CCDC85C: variants seen among roughly 807,000 people sequenced by gnomAD.
CCDC85C encodes the protein coiled-coil domain-containing protein 85C.
A neutral mutation model predicts 38.3 loss-of-function variants in CCDC85C; 18 were observed. The ratio of observed to expected loss-of-function variants is 0.47; its 90% CI spans 0.33 to 0.70. CCDC85C has a LOEUF of 0.70. Ranked by LOEUF, CCDC85C falls within the 30% of genes least tolerant of loss-of-function variation. The pLI is 0.03. For synonymous variants in CCDC85C, 264 were observed against 293.8 expected, an observed-to-expected ratio of 0.90 and a Z score of 1.04; for missense variants, 566 against 621.2, an observed-to-expected ratio of 0.91 and a Z score of 0.94.
chr14:99,503,249 C>A lies in CCDC85C; in HGVS notation c.*11997G>T. The A allele has an allele frequency of 1.5e-6, 1 of 646,066 alleles. No individual in the cohort carries two copies. Among genetic ancestry groups the A allele is most frequent in the Non-Finnish European group, 2.8e-6 (1 of 357,676 alleles). The allele number at this position is 646,066 out of a possible 1,614,324, so 40.0% of individuals were successfully genotyped here. On this transcript the variant is annotated 3_prime_UTR_variant, in exon 6 of 6. Transcript: ENST00000380243. ...TCCCTGCCAGGGTTCTGAAGCCTGT[C>A]GGTGTCGTTGCCGTGTCCTAGCAGT...
At chr14:99,580,358 G>T (rs1198340564) in intron 1 of CCDC85C, among the ~76,000 whole-genome samples, 2 of 150,952 alleles carry the variant, frequency 1.3e-5, no homozygotes, top group African/African-American at 4.9e-5. Flanking sequence ...GAGTCACCGT[G>T]AGTGCAGTGG....
At chr14:99,574,742 C>T (rs778322261) in intron 1 of CCDC85C, among the ~76,000 whole-genome samples, 3 of 152,212 alleles carry the variant, frequency 2.0e-5, no homozygotes, top group Non-Finnish European at 2.9e-5. Flanking sequence ...GGGCACCAGC[C>T]GGGTCAGGTG....
In CCDC85C at chr14:99,536,071, T is replaced by C. The variant is rs780450476; in HGVS notation, c.811A>G (p.Ile271Val). 1.9e-6 allele frequency: 3 copies of C among 1,551,006 alleles called. No homozygotes were observed. The South Asian group carries it at 3.6e-5, about 18-fold the overall frequency. Residue 271 changes from isoleucine to valine, a missense_variant, in exon 2 of 6, where the codon ATC becomes GTC. This residue lies in a region of CCDC85C where 286 missense variants were observed against 276.4 expected (regional missense o/e 1.03). Transcript: ENST00000380243. ...NGLHDPSSTY[I>V]RQLESKVRLL... ...CTCACTTTGCTCTCCAGTTGCCTGATGTAGGTGGATGAGGGATCTGGAAGG... is the reference window on the plus strand; with the variant it reads ...CTCACTTTGCTCTCCAGTTGCCTGACGTAGGTGGATGAGGGATCTGGAAGG...
In CCDC85C at chr14:99,603,226, C is replaced by T. The variant is rs2055225251; in HGVS notation, c.734G>A (p.Arg245Gln). 1 of 1,419,426 alleles carries T rather than the reference C, an allele frequency of 7.0e-7. No homozygotes were observed. Among genetic ancestry groups the T allele is most frequent in the Admixed American group, 2.8e-5 (1 of 35,158 alleles). 87.9% of individuals were successfully genotyped at this position (1,419,426 alleles called of 1,614,324 possible). A position where few individuals can be genotyped will look rare whatever the true frequency, so the allele number is the denominator to read the frequency against. ...CGGCGCCGACAAGTCGTCCAGGGACCGACGTGTGGCTCCTGCCTTGCCGTC... is the reference window on the plus strand; with the variant it reads ...CGGCGCCGACAAGTCGTCCAGGGACTGACGTGTGGCTCCTGCCTTGCCGTC... ...APDGKAGATRRSLDDLSAPPH... is the reference protein window; with the variant it reads ...APDGKAGATRQSLDDLSAPPH... Residue 245 changes from arginine (R) to glutamine (Q), a missense_variant, in exon 1 of 6, where the codon CGG (arginine) becomes CAG (glutamine). This residue lies in a region of CCDC85C where 286 missense variants were observed against 276.4 expected (regional missense o/e 1.03). Coordinates refer to ENST00000380243, the MANE Select transcript of CCDC85C (RefSeq NM_001144995.2). The surrounding 1 kb of genome is among the most constrained non-coding windows in gnomAD (Gnocchi z 7.5).
chr14:99,573,416 T>C (rs1342035290), intron 1 of CCDC85C, among the ~76,000 whole-genome samples: 3 of 152,190 alleles, frequency 2.0e-5, no homozygotes, highest in African/African-American at 7.2e-5. Flanking sequence ...TCATTTAGTC[T>C]TAAATGGAAG....
chr14:99,572,159 C>G lies in CCDC85C; in HGVS notation c.793+31008G>C, dbSNP rs747757456. Among the ~76,000 whole-genome samples the G allele has an allele frequency of 6.6e-6, 1 of 152,198 alleles. No homozygotes were observed. Among genetic ancestry groups the G allele is most frequent in the Non-Finnish European group, 1.5e-5 (1 of 68,024 alleles). ...CCTCCCAAGCCTGAGGGCTCAAATTCACAGGGTGGTGGTCCCTAGAAAGAC... is the reference window on the plus strand; with the variant it reads ...CCTCCCAAGCCTGAGGGCTCAAATTGACAGGGTGGTGGTCCCTAGAAAGAC... On this transcript the variant is annotated intron_variant, in intron 1 of 5. Transcript: ENST00000380243. The surrounding 1 kb of genome is among the most constrained non-coding windows in gnomAD (Gnocchi z 4.4).
intron 1 of CCDC85C, among the ~76,000 whole-genome samples, chr14:99,601,699 T>G (rs2055200301): frequency 6.6e-6 from 1 of 152,038 alleles, no homozygotes; most frequent in Non-Finnish European, 1.5e-5. Context: ...CCACCTAACT[T>G]TGCGCTACTC....
rs1566788126 is a variant in CCDC85C, at chr14:99,603,269, CG to C, written c.690del (p.Pro232ArgfsTer47). The C allele has an allele frequency of 5.8e-6, 8 of 1,381,884 alleles. No homozygotes were observed. The highest frequency in any genetic ancestry group is 3.2e-5 in the South Asian group (2 of 61,714). 85.6% of individuals were successfully genotyped at this position (1,381,884 alleles called of 1,614,324 possible). A position where few individuals can be genotyped will look rare whatever the true frequency, so the allele number is the denominator to read the frequency against. On this transcript the variant is annotated frameshift_variant, in exon 1 of 6. Transcript: ENST00000380243. LOFTEE classifies it high-confidence loss of function. The surrounding 1 kb of genome is among the most constrained non-coding windows in gnomAD (Gnocchi z 7.5). ...TTGCCGTCGGGGGCCTTGTGCGGCCCGGGGGGCAGCAGCGGGGGTGGGACGT... is the reference window on the plus strand; with the variant it reads ...TTGCCGTCGGGGGCCTTGTGCGGCCCGGGGGCAGCAGCGGGGGTGGGACGT... ...HHHVPPPLLP[P>X]GPHKAPDGKA...
chr14:99,500,822 G>A lies in CCDC85C; in HGVS notation c.*14424C>T. 1 of 1,567,410 alleles carries A rather than the reference G, an allele frequency of 6.4e-7. No individual in the cohort carries two copies. The highest frequency in any genetic ancestry group is 8.7e-7 in the Non-Finnish European group (1 of 1,154,610). On this transcript the variant is annotated 3_prime_UTR_variant, in exon 6 of 6. Transcript: ENST00000380243. The stretch of plus-strand genomic sequence containing the variant: ...TGCAGACCATCAAGTTTGATTTACA[G>A]GTAGAACATCCATACCAGTTCCTAC...
chr14:99,560,125 G>A (rs939630461), intron 1 of CCDC85C, among the ~76,000 whole-genome samples: 1 of 152,130 alleles, frequency 6.6e-6, no homozygotes, highest in African/African-American at 2.4e-5. Context: ...GATGCTCCCT[G>A]GACACCAGGG....
In CCDC85C at chr14:99,501,684, T is replaced by C; in HGVS notation, c.*13562A>G. 2.4e-6 allele frequency: 1 copy of C among 418,300 alleles called. No individual in the cohort carries two copies. The highest frequency in any genetic ancestry group is 4.2e-6 in the Non-Finnish European group (1 of 236,920). 25.9% of individuals were successfully genotyped at this position (418,300 alleles called of 1,614,324 possible). ...GTCCAAAACAATACACTGGAGAATT[T>C]TGAAAACTAATTACTTAGAGCCCAT... is the stretch of plus-strand genomic sequence containing the variant. On this transcript the variant is annotated 3_prime_UTR_variant, in exon 6 of 6. Transcript: ENST00000380243.
intron 1 of CCDC85C, among the ~76,000 whole-genome samples, chr14:99,582,171 T>C (rs2054978937): frequency 1.3e-5 from 2 of 152,060 alleles, no homozygotes; most frequent in Non-Finnish European, 2.9e-5. Flanking sequence ...TCTCCTGACA[T>C]GGATGGGGGT....
At chr14:99,566,987 G>A (rs530847271) in intron 1 of CCDC85C, among the ~76,000 whole-genome samples, 9 of 152,280 alleles carry the variant, frequency 5.9e-5, no homozygotes, top group East Asian at 3.9e-4. Context: ...AGAAGGCAGC[G>A]CTCCAGCCTC....
chr14:99,591,171 C>T (rs1397895040), intron 1 of CCDC85C, among the ~76,000 whole-genome samples: 1 of 152,242 alleles, frequency 6.6e-6, no homozygotes, highest in Non-Finnish European at 1.5e-5. Flanking sequence ...CGTTTAAAAG[C>T]CACGTTCTTT....
In CCDC85C at chr14:99,514,101, C is replaced by G. The variant is rs1284682734; in HGVS notation, c.*1145G>C. ...CTCCACCCGGCCCGCCCTCAGCCGT[C>G]GGCTGTTGGCTCACGCCCCCTCAGT... On this transcript the variant is annotated 3_prime_UTR_variant, in exon 6 of 6. Coordinates refer to ENST00000380243, the MANE Select transcript of CCDC85C (RefSeq NM_001144995.2). The G allele has an allele frequency of 6.6e-6, 1 of 152,362 alleles. No individual in the cohort carries two copies. The highest frequency in any genetic ancestry group is 2.4e-5 in the African/African-American group (1 of 41,476). The allele number at this position is 152,362 out of a possible 1,614,324, so 9.4% of individuals were successfully genotyped here. A position where few individuals can be genotyped will look rare whatever the true frequency, so the allele number is the denominator to read the frequency against.
rs1014651759 is a variant in CCDC85C at position 99,603,889 on chromosome 14, A to T, written c.71T>A (p.Leu24Gln). Residue 24 changes from leucine to glutamine, a missense_variant, in exon 1 of 6, where the codon CTG becomes CAG. Around this residue, in one of 3 missense-constraint regions of CCDC85C, gnomAD observed 269 missense variants for 308.2 expected, o/e 0.87. Coordinates refer to ENST00000380243, the MANE Select transcript of CCDC85C (RefSeq NM_001144995.2). This position sits in a 1 kb window ranked among gnomAD's most constrained non-coding sequence, Gnocchi z 7.5. ...ELSQVPDEEL[L>Q]RWSKEELARR... ...CGCCAGCTCCTCCTTGCTCCAGCGC[A>T]GCAGCTCCTCGTCCGGCACCTGGCT... is the stretch of plus-strand genomic sequence containing the variant. 2.0e-6 allele frequency: 3 copies of T among 1,495,948 alleles called. No individual in the cohort carries two copies. The highest frequency in any genetic ancestry group is 1.5e-5 in the African/African-American group (1 of 68,864). 92.7% of individuals were successfully genotyped at this position (1,495,948 alleles called of 1,614,324 possible).
At position 99,573,503 on chromosome 14, in the gene CCDC85C, C is replaced by G. The variant is rs185659031; in HGVS notation, c.793+29664G>C. The stretch of plus-strand genomic sequence containing the variant: ...CCTTTGAGGTCCGGCGCTCCTCCCC[C>G]ACCCTGGGCCTCAGTCTCCCCATGG... On this transcript the variant is annotated intron_variant, in intron 1 of 5. Transcript: ENST00000380243. Among the ~76,000 whole-genome samples, 36 of 152,360 alleles carry G rather than the reference C, an allele frequency of 2.4e-4. No homozygotes were observed. The East Asian group carries it at 6.6e-3, about 28-fold the overall frequency.
At position 99,535,796 on chromosome 14, in the gene CCDC85C, G is replaced by A. The variant is rs116738651; in HGVS notation, c.867+219C>T. 2.4e-4 allele frequency among the ~76,000 whole-genome samples: 37 copies of A among 152,270 alleles called. No individual in the cohort carries two copies. The East Asian group carries it at 5.8e-3, about 24-fold the overall frequency. ...GCCCTGGGCCAGCCCTGAGGAGCTCGCATACTGGGCAGTCAGCATGGAAGG... is the reference window on the plus strand; with the variant it reads ...GCCCTGGGCCAGCCCTGAGGAGCTCACATACTGGGCAGTCAGCATGGAAGG... On this transcript the variant is annotated intron_variant, in intron 2 of 5. Coordinates refer to ENST00000380243, the MANE Select transcript of CCDC85C (RefSeq NM_001144995.2). The surrounding 1 kb of genome is among the most constrained non-coding windows in gnomAD (Gnocchi z 5.5).
intron 1 of CCDC85C, among the ~76,000 whole-genome samples, chr14:99,549,495 C>G (rs149718458): frequency 1.3e-5 from 2 of 152,326 alleles, no homozygotes; most frequent in East Asian, 3.9e-4. Context: ...CCAGAGCAGG[C>G]CCCCTCTTTG....
Sources: gnomAD v4.1 joint callset for allele counts (sites outside exome capture counted in the v4.1 genomes callset) on GRCh38, gnomAD v4.1.1 for gene constraint, gnomAD v4.1.1 regional missense constraint, Gnocchi (gnomAD v3.1) non-coding constraint, MANE v1.5 for transcripts, NCBI Gene and HGNC (gene_info 2026-07-23, HGNC 2026-07-21) for gene names.